The following PCID2 variants were observed in gnomAD, a reference collection of about 807,000 sequenced individuals.
PCID2 encodes the protein PCI domain-containing protein 2.
Under a neutral mutation model 61.3 loss-of-function variants are expected in PCID2, and 41 were observed. The ratio of observed to expected loss-of-function variants is 0.67; its 90% CI spans 0.52 to 0.87. The LOEUF (loss-of-function observed/expected upper bound fraction) is 0.87. Among genes scored for constraint, PCID2 ranks in the 40% least tolerant of loss-of-function variants. The pLI is 0.00. For synonymous variants in PCID2, 187 were observed against 177.8 expected, an observed-to-expected ratio of 1.05 and a Z score of -0.41; for missense variants, 392 against 493.4, an observed-to-expected ratio of 0.79 and a Z score of 1.95.
intron 9 of PCID2, among the ~76,000 whole-genome samples, chr13:113,182,681 T>C (rs149240696): frequency 0.017 from 2,588 of 152,160 alleles, 69 homozygotes; most frequent in African/African-American, 0.058. Context: ...TTTGTATTTT[T>C]AGTAGAGACG....
chr13:113,187,948 A>G (rs2038268045), intron 7 of PCID2: 1 of 152,216 alleles, frequency 6.6e-6, no homozygotes, highest in Admixed American at 6.5e-5. Flanking sequence ...AAAATATACG[A>G]TCAAGCGAAA....
At chr13:113,168,009 G>A in the PCID2 span, among the ~76,000 whole-genome samples, 3 of 152,186 alleles carry the variant, frequency 2.0e-5, no homozygotes, top group Non-Finnish European at 4.4e-5. Flanking sequence ...CACTTTCGCC[G>A]ACGCCACATC....
At chr13:113,185,739 G>T (rs113089408) in intron 7 of PCID2, 179 bp from the exon 8 acceptor site, 33 of 488,528 alleles carry the variant, frequency 6.8e-5, no homozygotes, top group African/African-American at 5.4e-4. Flanking sequence ...TATGAAAAAA[G>T]ATGTCTTACC....
At chr13:113,166,721 G>A in the PCID2 span, among the ~76,000 whole-genome samples, 1 of 152,222 alleles carries the variant, frequency 6.6e-6, no homozygotes, top group Non-Finnish European at 1.5e-5. Flanking sequence ...TTCTAAGACA[G>A]TTCTTCCTAT....
chr13:113,181,843 G>A (rs566265217), intron 9 of PCID2, among the ~76,000 whole-genome samples: 1 of 152,296 alleles, frequency 6.6e-6, no homozygotes, highest in African/African-American at 2.4e-5. Flanking sequence ...TATTTGTCAA[G>A]ATTAATCCCA....
chr13:113,177,969 AGCC>A lies in PCID2; in HGVS notation c.*226_*228del. ...GAAGTCTCACAAAGACTCCAGAACC[AGCC>A]GAGTCTGTGAAAAAGGAATTCCAGG... is the stretch of plus-strand genomic sequence containing the variant. On this transcript the variant is annotated 3_prime_UTR_variant, in exon 14 of 14. Coordinates refer to ENST00000337344, the MANE Select transcript of PCID2 (RefSeq NM_001127202.4). 2.5e-6 allele frequency: 1 copy of A among 395,992 alleles called. No individual in the cohort carries two copies. Among genetic ancestry groups the A allele is most frequent in the Non-Finnish European group, 4.6e-6 (1 of 215,484 alleles). The allele number at this position is 395,992 out of a possible 1,614,324, so 24.5% of individuals were successfully genotyped here.
chr13:113,177,538 T>C lies in PCID2; in HGVS notation c.*660A>G, dbSNP rs1378328643. The C allele has an allele frequency of 1.3e-5, 2 of 152,238 alleles. No homozygotes were observed. Among genetic ancestry groups the C allele is most frequent in the Non-Finnish European group, 2.9e-5 (2 of 68,042 alleles). The allele number at this position is 152,238 out of a possible 1,614,324, so 9.4% of individuals were successfully genotyped here. A position where few individuals can be genotyped will look rare whatever the true frequency, so the allele number is the denominator to read the frequency against. Reference sequence around the variant, plus strand: ...GAAGGCTAGAGTGAGCCATAATGTTTAGTAGCAGGTGTATTAAATGTATTT... The same window carrying C: ...GAAGGCTAGAGTGAGCCATAATGTTCAGTAGCAGGTGTATTAAATGTATTT... On this transcript the variant is annotated 3_prime_UTR_variant, in exon 14 of 14. Transcript: ENST00000337344.
the PCID2 span, chr13:113,170,508 C>A: frequency 3.2e-6 from 5 of 1,587,004 alleles, no homozygotes; most frequent in Non-Finnish European, 1.7e-6. Flanking sequence ...CACTGTTACA[C>A]AGGAATATTA....
chr13:113,208,487 G>A (rs9549692), intron 1 of PCID2, 112 bp downstream of exon 1: 1,532,471 of 1,541,584 alleles, frequency 0.99, 762,066 homozygotes, highest in South Asian at 1. Context: ...CCGAACGGAA[G>A]AAGGGTGGCG....
At chr13:113,207,690 A>G (rs761604470) in intron 1 of PCID2, among the ~76,000 whole-genome samples, 14 of 152,246 alleles carry the variant, frequency 9.2e-5, no homozygotes, top group Admixed American at 9.2e-4. Flanking sequence ...CAGACTTTTC[A>G]GCTATCAAGT....
downstream of PCID2, among the ~76,000 whole-genome samples, chr13:113,176,465 T>C (rs2037187565): frequency 1.3e-5 from 2 of 152,298 alleles, 1 homozygote; most frequent in Non-Finnish European, 2.9e-5. Context: ...AACTGTGGCC[T>C]TATAAGAGGA....
At chr13:113,181,522 T>C (rs888479980) in intron 9 of PCID2, among the ~76,000 whole-genome samples, 1 of 152,234 alleles carries the variant, frequency 6.6e-6, no homozygotes, top group Non-Finnish European at 1.5e-5. Context: ...GGCAAACCAT[T>C]ATGATAACAT....
chr13:113,181,376 T>G (rs2037622993), intron 9 of PCID2, 146 bp from the exon 10 acceptor site: 1 of 580,118 alleles, frequency 1.7e-6, no homozygotes, highest in African/African-American at 1.9e-5. Context: ...CCAGTTTCAT[T>G]TCTGTGATCA....
At chr13:113,178,882 T>C (rs2037355348) in intron 13 of PCID2, 84 bp downstream of exon 13, 1 of 1,416,874 alleles carries the variant, frequency 7.1e-7, no homozygotes, top group East Asian at 2.4e-5. Context: ...TTTAACAATT[T>C]TAACACCACC....
chr13:113,206,558 T>G (rs2039847380), intron 1 of PCID2, among the ~76,000 whole-genome samples: 1 of 152,230 alleles, frequency 6.6e-6, no homozygotes, highest in Non-Finnish European at 1.5e-5. Context: ...AATGATGGTT[T>G]TATTCCCAAA....
At chr13:113,203,053 C>T (rs995415809) in intron 1 of PCID2, among the ~76,000 whole-genome samples, 1 of 152,192 alleles carries the variant, frequency 6.6e-6, no homozygotes, top group African/African-American at 2.4e-5. Context: ...GCACTAGGGC[C>T]CTAATCCTGA....
At chr13:113,176,196 C>G (rs559740327), downstream of PCID2, among the ~76,000 whole-genome samples, 1 of 152,370 alleles carries the variant, frequency 6.6e-6, no homozygotes, top group African/African-American at 2.4e-5. Flanking sequence ...TGTAGAATAG[C>G]CTCTCCTTGA....
At position 113,193,979 on chromosome 13, in the gene PCID2, C is replaced by A. The variant is rs190246492; in HGVS notation, c.363+1092G>T. 8.9e-4 allele frequency among the ~76,000 whole-genome samples: 136 copies of A among 152,306 alleles called. No homozygotes were observed. In the Middle Eastern group the frequency reaches 0.017, roughly 19 times the overall value. The stretch of plus-strand genomic sequence containing the variant: ...TCGATTAGATCCCGGACATTTGAGG[C>A]ACTACCTGACGAGACTATGGACTTT... On this transcript the variant is annotated intron_variant, in intron 6 of 13. Coordinates refer to ENST00000337344, the MANE Select transcript of PCID2 (RefSeq NM_001127202.4).
At chr13:113,202,756 G>A (rs1199159606) in intron 1 of PCID2, among the ~76,000 whole-genome samples, 1 of 152,174 alleles carries the variant, frequency 6.6e-6, no homozygotes, top group Non-Finnish European at 1.5e-5. Context: ...AGAATCTAAT[G>A]CAAATGATTA....
Sources: gnomAD v4.1 joint callset for allele counts (sites outside exome capture counted in the v4.1 genomes callset) on GRCh38, gnomAD v4.1.1 for gene constraint, MANE v1.5 for transcripts, NCBI Gene and HGNC (gene_info 2026-07-23, HGNC 2026-07-21) for gene names.